THSD7B: variants seen among roughly 807,000 people sequenced by gnomAD.
THSD7B encodes thrombospondin type 1 domain containing 7B.
In THSD7B, 138 loss-of-function variants were observed where a neutral mutation model predicts 213.6. That is an observed-to-expected ratio of 0.65 (90% CI 0.56 to 0.74). The LOEUF (loss-of-function observed/expected upper bound fraction) is 0.74. Ranked by LOEUF, THSD7B falls within the 30% of genes least tolerant of loss-of-function variation. THSD7B has a pLI of 0.00. For synonymous variants in THSD7B, 742 were observed against 687.0 expected (o/e 1.08, Z -1.25); for missense variants, 1,931 against 1,991.5 (o/e 0.97, Z 0.58).
chr2:137,109,343 G>C (rs1688307145), intron 4 of THSD7B, among the ~76,000 whole-genome samples: 1 of 152,122 alleles, frequency 6.6e-6, no homozygotes, highest in South Asian at 2.1e-4. Flanking sequence ...CAAGCTTTCT[G>C]GTACCAGTGA....
intron 2 of THSD7B, among the ~76,000 whole-genome samples, chr2:137,052,371 G>A (rs961039114): frequency 3.3e-5 from 5 of 152,044 alleles, no homozygotes; most frequent in Admixed American, 3.3e-4. Context: ...ATGGTTTAGA[G>A]CTACATTACA....
intron 1 of THSD7B, among the ~76,000 whole-genome samples, chr2:136,852,619 A>C (rs1683117516): frequency 6.6e-6 from 1 of 152,226 alleles, no homozygotes. Flanking sequence ...GTAGCAATAT[A>C]AAACTAATAC....
intron 15 of THSD7B, among the ~76,000 whole-genome samples, chr2:137,551,494 C>T (rs1406308935): frequency 6.6e-6 from 1 of 152,054 alleles, no homozygotes; most frequent in African/African-American, 2.4e-5. Flanking sequence ...TGTTCATGGG[C>T]CCCTTGCAAT....
At chr2:137,524,340 G>A (rs544826655) in intron 15 of THSD7B, among the ~76,000 whole-genome samples, 6 of 152,178 alleles carry the variant, frequency 3.9e-5, no homozygotes, top group Admixed American at 3.9e-4. Context: ...ATGGGCCACT[G>A]GAAATCACTG....
chr2:137,618,289 T>G, intron 18 of THSD7B, 103 bp from the exon 19 acceptor site: 1 of 855,620 alleles, frequency 1.2e-6, no homozygotes, highest in Non-Finnish European at 1.8e-6. Flanking sequence ...TTTAGGATTA[T>G]GTGTGGATTA....
intron 2 of THSD7B, among the ~76,000 whole-genome samples, chr2:136,976,374 A>G (rs1353005066): frequency 6.6e-6 from 1 of 152,212 alleles, no homozygotes; most frequent in Non-Finnish European, 1.5e-5. Context: ...CGTTTTTAAC[A>G]TGAAGGGATG....
At chr2:137,497,490 C>T (rs1472705056) in intron 15 of THSD7B, among the ~76,000 whole-genome samples, 1 of 151,952 alleles carries the variant, frequency 6.6e-6, no homozygotes, top group Non-Finnish European at 1.5e-5. Context: ...AGACTAGACC[C>T]ACTTCCAAAT....
chr2:136,828,773 T>G (rs1682701157), intron 1 of THSD7B, among the ~76,000 whole-genome samples: 1 of 152,194 alleles, frequency 6.6e-6, no homozygotes, highest in Non-Finnish European at 1.5e-5. Context: ...TGTTTTTAGA[T>G]TTTAGTATGA....
At chr2:137,546,408 AT>A (rs1680720522) in intron 15 of THSD7B, among the ~76,000 whole-genome samples, 1 of 31,868 alleles carries the variant, frequency 3.1e-5, no homozygotes, top group African/African-American at 2.0e-4. Context: ...TATATATTAT[AT>A]ATATATTATA....
At chr2:137,587,768 G>A (rs1013780051) in intron 17 of THSD7B, among the ~76,000 whole-genome samples, 1 of 152,212 alleles carries the variant, frequency 6.6e-6, no homozygotes, top group Non-Finnish European at 1.5e-5. Context: ...CTCCCAGTTA[G>A]GCTACTCAGG....
chr2:137,026,954 T>G (rs1686567543), intron 2 of THSD7B, among the ~76,000 whole-genome samples: 1 of 152,198 alleles, frequency 6.6e-6, no homozygotes, highest in African/African-American at 2.4e-5. Flanking sequence ...CATTCCAATC[T>G]GCAAAAGTCA....
intron 12 of THSD7B, among the ~76,000 whole-genome samples, chr2:137,345,019 A>G (rs1000934688): frequency 4.0e-5 from 6 of 151,694 alleles, no homozygotes; most frequent in African/African-American, 1.4e-4. Flanking sequence ...TCAGCTACCC[A>G]ACACCCTCCC....
Position 137,308,993 on chromosome 2 carries a change from A to G in THSD7B, c.2500+32967A>G, listed in dbSNP as rs72977604. ...TGAACTACAACTTTGTCCATTTTTAACTTTAGGACCTACTTCTATAAGTGG... is the reference window on the plus strand; with the variant it reads ...TGAACTACAACTTTGTCCATTTTTAGCTTTAGGACCTACTTCTATAAGTGG... On this transcript the variant is annotated intron_variant, in intron 12 of 27. Coordinates refer to ENST00000409968, the MANE Select transcript of THSD7B (RefSeq NM_001316349.2). Among the ~76,000 whole-genome samples, 752 of 152,240 alleles carry G rather than the reference A, an allele frequency of 4.9e-3. 8 individuals are homozygous for G. The highest frequency in any genetic ancestry group is 0.018 in the African/African-American group (732 of 41,574).
chr2:136,909,710 G>A (rs1208592914), intron 2 of THSD7B, among the ~76,000 whole-genome samples: 1 of 152,188 alleles, frequency 6.6e-6, no homozygotes, highest in Non-Finnish European at 1.5e-5. Flanking sequence ...GTTGTTAATC[G>A]AGGGCTTATG....
chr2:136,766,310 C>T (rs1343596085), intron 1 of THSD7B, among the ~76,000 whole-genome samples: 1 of 151,982 alleles, frequency 6.6e-6, no homozygotes, highest in Non-Finnish European at 1.5e-5. Flanking sequence ...GTTTACATTT[C>T]CCCTGTCCCT....
chr2:136,771,024 A>G (rs1445029980), intron 1 of THSD7B, among the ~76,000 whole-genome samples: 1 of 152,128 alleles, frequency 6.6e-6, no homozygotes, highest in Admixed American at 6.5e-5. Flanking sequence ...ACAACTGTAA[A>G]TTCTTCTACC....
intron 5 of THSD7B, among the ~76,000 whole-genome samples, chr2:137,150,859 C>T (rs544765652): frequency 3.5e-4 from 53 of 152,212 alleles, no homozygotes; most frequent in Non-Finnish European, 5.6e-4. Context: ...TGTTACTGTG[C>T]TGAATAATGT....
At chr2:137,424,624 C>A (rs1397201228) in intron 14 of THSD7B, among the ~76,000 whole-genome samples, 2 of 151,788 alleles carry the variant, frequency 1.3e-5, no homozygotes, top group Non-Finnish European at 2.9e-5. Flanking sequence ...AATGAAGGAC[C>A]CAAATCATAT....
intron 14 of THSD7B, among the ~76,000 whole-genome samples, chr2:137,442,864 A>G (rs1687447654): frequency 6.6e-6 from 1 of 152,156 alleles, no homozygotes; most frequent in Admixed American, 6.5e-5. Flanking sequence ...CTCTCAAGGC[A>G]AGAAGATGTA....
Sources: allele counts gnomAD v4.1 joint callset (sites outside exome capture counted in the v4.1 genomes callset), GRCh38; gene constraint gnomAD v4.1.1; transcripts MANE v1.5; gene names NCBI Gene and HGNC (gene_info 2026-07-23, HGNC 2026-07-21).